The following RIMKLB variants were observed in gnomAD, a reference collection of about 807,000 sequenced individuals.
RIMKLB encodes ribosomal modification protein rimK like family member B.
A neutral mutation model predicts 32.0 loss-of-function variants in RIMKLB; 7 were observed. The observed-to-expected ratio is 0.22, with a 90% CI of 0.12 to 0.41. The LOEUF (loss-of-function observed/expected upper bound fraction) is 0.41. RIMKLB is among the 10% of genes least tolerant of loss of function. The probability of loss-of-function intolerance (pLI) is 1.00; values close to 1 mark genes in which losing one functional copy is unlikely to be tolerated. For missense variants in RIMKLB, 289 were observed against 498.7 expected, an observed-to-expected ratio of 0.58 and a Z score of 4.00; for synonymous variants, 172 against 185.1, an observed-to-expected ratio of 0.93 and a Z score of 0.57.
chr12:8,715,867 C>T (rs11046899), intron 2 of RIMKLB, among the ~76,000 whole-genome samples: 5,039 of 152,250 alleles, frequency 0.033, 279 homozygotes, highest in African/African-American at 0.11. Context: ...ACATTTGTGA[C>T]GAAGATCCTT....
At chr12:8,698,710 C>CG (rs1943095341) in intron 1 of RIMKLB, among the ~76,000 whole-genome samples, 1 of 145,834 alleles carries the variant, frequency 6.9e-6, no homozygotes, top group Non-Finnish European at 1.5e-5. Context: ...CTCCCCCTCC[C>CG]CCCCCTTCCC....
At chr12:8,778,870 G>T (rs1950883672), downstream of RIMKLB, among the ~76,000 whole-genome samples, 1 of 152,214 alleles carries the variant, frequency 6.6e-6, no homozygotes, top group African/African-American at 2.4e-5. Flanking sequence ...TTAGTGAATA[G>T]GAATTCTTGG....
rs775110372 is a variant in RIMKLB, at chr12:8,725,561, C to T, written c.175+11520C>T. ...AGTTGCATCTTCCCAAAGTCTGCCC[C>T]GGCCCCTTTGCATATGTTCTCAGCC... is the stretch of plus-strand genomic sequence containing the variant. On this transcript the variant is annotated intron_variant, in intron 2 of 5. Transcript: ENST00000535829. Among the ~76,000 whole-genome samples the T allele has an allele frequency of 1.1e-4, 17 of 152,296 alleles. 1 individual carries two copies. In the South Asian group the frequency reaches 1.7e-3, roughly 15 times the overall value.
At chr12:8,773,175 A>G in intron 5 of RIMKLB, 146 bp from the exon 6 acceptor site, 2 of 618,146 alleles carry the variant, frequency 3.2e-6, no homozygotes. Context: ...AAGGAAATCT[A>G]GACTTAGAAG....
chr12:8,697,918 G>T (rs1326829391), upstream of RIMKLB: 1 of 148,922 alleles, frequency 6.7e-6, no homozygotes, highest in African/African-American at 2.4e-5. Context: ...GGCGGGCGGC[G>T]TTCGGTCTGA....
chr12:8,713,986 C>G lies in RIMKLB; in HGVS notation c.120C>G (p.Asp40Glu). Residue 40 changes from aspartate (D) to glutamate (E), a missense_variant, in exon 2 of 6, where the codon GAC (aspartate) becomes GAG (glutamate). Asp to Glu is a conservative substitution (Grantham distance 45). This residue lies in a region of RIMKLB where 156 missense variants were observed against 329.5 expected (regional missense o/e 0.47). Transcript: ENST00000535829. ...CCAAATGTTGTGAGGAGGAACTGGA[C>G]TTTAGGGCTGTGGTGATGGATGAGG... ...LKAKCCEEEL[D>E]FRAVVMDEVV... 1 of 1,613,988 alleles carries G rather than the reference C, an allele frequency of 6.2e-7. No homozygotes were observed. The highest frequency in any genetic ancestry group is 2.2e-5 in the East Asian group (1 of 44,880).
At chr12:8,688,974 A>G (rs760571710) in intron 1 of RIMKLB, among the ~76,000 whole-genome samples, 1 of 152,028 alleles carries the variant, frequency 6.6e-6, no homozygotes, top group Non-Finnish European at 1.5e-5. Context: ...AGCTGGGATT[A>G]CAGGTGCCCG....
chr12:8,680,271 T>A (rs1056537888), upstream of RIMKLB, among the ~76,000 whole-genome samples: 2 of 152,210 alleles, frequency 1.3e-5, no homozygotes, highest in Non-Finnish European at 2.9e-5. Flanking sequence ...TTCTCCTGCC[T>A]CAGCCTCCCG....
intron 3 of RIMKLB, among the ~76,000 whole-genome samples, chr12:8,751,406 T>A (rs748612169): frequency 6.6e-6 from 1 of 152,318 alleles, no homozygotes; most frequent in South Asian, 2.1e-4. Context: ...CATTTGTTTT[T>A]GGGCAATAAA....
chr12:8,752,277 A>G (rs769268371), intron 4 of RIMKLB, among the ~76,000 whole-genome samples: 4 of 152,308 alleles, frequency 2.6e-5, no homozygotes, highest in South Asian at 4.2e-4. Flanking sequence ...ATCTTCCTCA[A>G]TAATGTAAAG....
chr12:8,693,228 C>T (rs1274859218), upstream of RIMKLB, among the ~76,000 whole-genome samples: 2 of 152,062 alleles, frequency 1.3e-5, no homozygotes. Flanking sequence ...ACTGTGTACT[C>T]AAGTAGAATC....
chr12:8,769,307 G>A (rs1950221313), intron 5 of RIMKLB, among the ~76,000 whole-genome samples: 2 of 151,590 alleles, frequency 1.3e-5, no homozygotes, highest in South Asian at 4.2e-4. Flanking sequence ...TTTTTGGTGT[G>A]TGACTAGCAT....
chr12:8,697,464 G>A (rs1466702163), upstream of RIMKLB: 2 of 152,698 alleles, frequency 1.3e-5, no homozygotes, highest in South Asian at 2.0e-4. Flanking sequence ...CTGCGCCCGA[G>A]GGGGTAGGGG....
At position 8,776,032 on chromosome 12, in the gene RIMKLB, C is replaced by T; in HGVS notation, c.*2248C>T. ...AGAACTGCTTAATTAAATTATCATT[C>T]ATATGTTCATATAGAGACCATCTGG... On this transcript the variant is annotated 3_prime_UTR_variant, in exon 6 of 6. Coordinates refer to ENST00000535829, the MANE Select transcript of RIMKLB (RefSeq NM_001297776.2). 1.0e-6 allele frequency: 1 copy of T among 983,770 alleles called. No individual in the cohort carries two copies. Among genetic ancestry groups the T allele is most frequent in the Non-Finnish European group, 1.2e-6 (1 of 828,484 alleles). 60.9% of individuals were successfully genotyped at this position (983,770 alleles called of 1,614,324 possible). A position where few individuals can be genotyped will look rare whatever the true frequency, so the allele number is the denominator to read the frequency against.
rs886539485 is a variant in RIMKLB, at chr12:8,701,595, A to G, written c.-57+3298A>G. On this transcript the variant is annotated intron_variant, in intron 1 of 5. Transcript: ENST00000535829. ...TCTAACTTTGTTAACAAAGCTAATC[A>G]TTTCTGGATCAGTTATATGACCGTT... is the stretch of plus-strand genomic sequence containing the variant. Among the ~76,000 whole-genome samples, 16 of 144,026 alleles carry G rather than the reference A, an allele frequency of 1.1e-4. 1 individual carries two copies. The highest frequency in any genetic ancestry group is 1.0e-3 in the Admixed American group (15 of 14,414). The allele number at this position is 144,026 out of a possible 152,430, so 94.5% of individuals were successfully genotyped here. A position where few individuals can be genotyped will look rare whatever the true frequency, so the allele number is the denominator to read the frequency against.
intron 5 of RIMKLB, among the ~76,000 whole-genome samples, chr12:8,765,072 A>G (rs1466576093): frequency 6.6e-6 from 1 of 151,508 alleles, no homozygotes; most frequent in South Asian, 2.1e-4. Flanking sequence ...GTTTTTTTCT[A>G]ATGTCTGCAG....
rs1263022607 is a variant in RIMKLB at position 8,774,083 on chromosome 12, A to G, written c.*299A>G. Reference sequence around the variant, plus strand: ...TGCTCATAGGCCATGAGGAACAAATACTTTTTTTTTTTCATGGTCCCTTGC... The same window carrying G: ...TGCTCATAGGCCATGAGGAACAAATGCTTTTTTTTTTTCATGGTCCCTTGC... On this transcript the variant is annotated 3_prime_UTR_variant, in exon 6 of 6. Transcript: ENST00000535829. The G allele has an allele frequency of 1.8e-6, 2 of 1,103,312 alleles. No individual in the cohort carries two copies. Among genetic ancestry groups the G allele is most frequent in the Non-Finnish European group, 2.2e-6 (2 of 905,324 alleles). The allele number at this position is 1,103,312 out of a possible 1,614,324, so 68.3% of individuals were successfully genotyped here.
chr12:8,728,531 A>AG (rs1169373977), intron 2 of RIMKLB, among the ~76,000 whole-genome samples: 2 of 152,148 alleles, frequency 1.3e-5, no homozygotes, highest in Non-Finnish European at 2.9e-5. Flanking sequence ...TTCTCCCCCT[A>AG]GGTAGGTTAG....
At chr12:8,701,514 GA>G (rs1943396145) in intron 1 of RIMKLB, among the ~76,000 whole-genome samples, 1 of 151,898 alleles carries the variant, frequency 6.6e-6, no homozygotes, top group African/African-American at 2.4e-5. Flanking sequence ...GGTCTGCATG[GA>G]ACCCATCTGT....
Sources: gnomAD v4.1 joint callset for allele counts (sites outside exome capture counted in the v4.1 genomes callset) on GRCh38, gnomAD v4.1.1 for gene constraint, gnomAD v4.1.1 regional missense constraint, MANE v1.5 for transcripts, NCBI Gene and HGNC (gene_info 2026-07-23, HGNC 2026-07-21) for gene names.